The following ABHD18 variants were observed in gnomAD, a reference collection of about 807,000 sequenced individuals.
The protein encoded by ABHD18 is cardiolipin-specific deacylase, mitochondrial.
ABHD18 carries 55 observed loss-of-function variants against 65.9 expected under a neutral mutation model. The observed-to-expected ratio is 0.84, with a 90% CI of 0.67 to 1.05. The LOEUF (loss-of-function observed/expected upper bound fraction) is 1.05. Among genes scored for constraint, ABHD18 ranks in the 50% least tolerant of loss-of-function variants. The pLI is 0.00. For missense variants in ABHD18, 533 were observed against 558.5 expected, an observed-to-expected ratio of 0.95 and a Z score of 0.46; for synonymous variants, 181 against 180.2, an observed-to-expected ratio of 1.00 and a Z score of -0.04.
chr4:128,035,723 G>A, intron 12 of ABHD18, 39 bp from the exon 13 acceptor site: 1 of 1,263,244 alleles, frequency 7.9e-7, no homozygotes, highest in East Asian at 2.6e-5. Context: ...CCCCCTTTTT[G>A]TTAGTTACTT....
At chr4:127,985,030 T>C (rs1381727151) in intron 3 of ABHD18, among the ~76,000 whole-genome samples, 1 of 152,184 alleles carries the variant, frequency 6.6e-6, no homozygotes, top group Non-Finnish European at 1.5e-5. Flanking sequence ...TCAGGAGGGT[T>C]AAACCACTCA....
chr4:127,984,013 G>A (rs139633371), intron 2 of ABHD18, among the ~76,000 whole-genome samples: 2,122 of 151,994 alleles, frequency 0.014, 51 homozygotes, highest in African/African-American at 0.047. Context: ...CACTCGCCTG[G>A]GTGACAGAGC....
At chr4:127,973,350 A>T (rs1396403435) in intron 1 of ABHD18, among the ~76,000 whole-genome samples, 1 of 152,156 alleles carries the variant, frequency 6.6e-6, no homozygotes, top group Non-Finnish European at 1.5e-5. Flanking sequence ...GCTTATAAAC[A>T]AATGTTTATT....
rs111841251 is a variant in ABHD18 at position 128,006,080 on chromosome 4, A to G, written c.279-2840A>G. ...CAGTCAGCTGTGGCAGAGGAGTCAC[A>G]TGGCCTGTACCCATTCATCATGGGA... On this transcript the variant is annotated intron_variant, in intron 4 of 12. Transcript: ENST00000645843. 4.5e-3 allele frequency among the ~76,000 whole-genome samples: 685 copies of G among 152,308 alleles called. 9 individuals carry two copies. The highest frequency in any genetic ancestry group is 0.016 in the African/African-American group (653 of 41,572).
Position 127,989,760 on chromosome 4 carries a change from T to C in ABHD18, c.217T>C (p.Phe73Leu). The change falls in exon 4 of 13, where the codon TTT becomes CTT. Residue 73 changes from phenylalanine to leucine, a missense_variant. Physicochemically the swap from Phe to Leu is conservative, Grantham distance 22. This residue lies in a region of ABHD18 where 309 missense variants were observed against 313.5 expected (regional missense o/e 0.99). Transcript: ENST00000645843. Reference protein sequence around the residue: ...QSDCKILDGHFVSPMAHYVPD... With the variant: ...QSDCKILDGHLVSPMAHYVPD... ...AGATTGTAAGATCTTAGATGGACACTTTGTTTCCCCCATGGCTCACTATGT... is the reference window on the plus strand; with the variant it reads ...AGATTGTAAGATCTTAGATGGACACCTTGTTTCCCCCATGGCTCACTATGT... 1 of 1,602,842 alleles carries C rather than the reference T, an allele frequency of 6.2e-7. No homozygotes were observed. The highest frequency in any genetic ancestry group is 8.5e-7 in the Non-Finnish European group (1 of 1,174,504).
rs1237504989 is a variant in ABHD18 at position 128,020,342 on chromosome 4, A to G, written c.699+173A>G. On this transcript the variant is annotated intron_variant, in intron 9 of 12. Coordinates refer to ENST00000645843, the MANE Select transcript of ABHD18 (RefSeq NM_001358451.3). Reference sequence around the variant, plus strand: ...CTACAGCAAAAGATACAACACAGTCAACAGAAGGAAAAAGCGCATGAGGTA... The same window carrying G: ...CTACAGCAAAAGATACAACACAGTCGACAGAAGGAAAAAGCGCATGAGGTA... 5.3e-5 allele frequency among the ~76,000 whole-genome samples: 8 copies of G among 152,240 alleles called. No individual in the cohort carries two copies. In the East Asian group the frequency reaches 1.3e-3, roughly 26 times the overall value.
intron 1 of ABHD18, among the ~76,000 whole-genome samples, chr4:127,969,072 C>A (rs1359281470): frequency 6.6e-6 from 1 of 152,080 alleles, no homozygotes; most frequent in East Asian, 1.9e-4. Flanking sequence ...TTCTTTTCCT[C>A]ATTTATTAGT....
At chr4:128,016,636 G>A (rs186374903) in intron 7 of ABHD18, among the ~76,000 whole-genome samples, 169 of 152,204 alleles carry the variant, frequency 1.1e-3, no homozygotes, top group Admixed American at 1.4e-3. Context: ...TTAGCCAGGC[G>A]TGGTGGCTCA....
At chr4:128,009,030 GATA>G (rs1754100351) in intron 5 of ABHD18, 32 bp downstream of exon 5, 1 of 1,591,108 alleles carries the variant, frequency 6.3e-7, no homozygotes, top group South Asian at 1.2e-5. Flanking sequence ...TTAATCTCTA[GATA>G]ATTTGTTAAC....
chr4:127,974,298 A>G (rs1747472706), intron 1 of ABHD18, among the ~76,000 whole-genome samples: 1 of 150,354 alleles, frequency 6.7e-6, no homozygotes, highest in African/African-American at 2.5e-5. Context: ...CCTGGGCTCA[A>G]GCTATCCTCC....
chr4:128,018,200 T>C (rs752891053), intron 8 of ABHD18, among the ~76,000 whole-genome samples: 4 of 152,328 alleles, frequency 2.6e-5, no homozygotes, highest in Non-Finnish European at 5.9e-5. Context: ...TACTGTACTT[T>C]ACTGACTTGT....
At chr4:127,994,693 TA>T (rs948855351) in intron 4 of ABHD18, among the ~76,000 whole-genome samples, 4 of 152,340 alleles carry the variant, frequency 2.6e-5, no homozygotes, top group African/African-American at 9.6e-5. Context: ...GATTGAATTC[TA>T]ATACAAGTTC....
Position 128,034,941 on chromosome 4 carries a change from C to A in ABHD18, c.1344-821C>A, listed in dbSNP as rs761849425. Among the ~76,000 whole-genome samples, 3 of 152,244 alleles carry A rather than the reference C, an allele frequency of 2.0e-5. No individual in the cohort carries two copies. The East Asian group carries it at 5.8e-4, about 29-fold the overall frequency. ...TGCTGGGATTACAGGCTTGAGCCATCGCGCCCGGCCTGTCTATTCCTTTTC... is the reference window on the plus strand; with the variant it reads ...TGCTGGGATTACAGGCTTGAGCCATAGCGCCCGGCCTGTCTATTCCTTTTC... On this transcript the variant is annotated intron_variant, in intron 12 of 12. Transcript: ENST00000645843.
intron 2 of ABHD18, 86 bp downstream of exon 2, chr4:127,983,133 C>G (rs189155907): frequency 7.2e-6 from 6 of 835,836 alleles, no homozygotes; most frequent in South Asian, 5.1e-5. Context: ...CCTTTACTCT[C>G]AAATACAGAG....
rs1310776734 is a variant in ABHD18, at chr4:128,030,680, G to A, written c.1343+8G>A. On this transcript the variant is annotated splice_region_variant and intron_variant, in intron 12 of 12. Transcript: ENST00000645843. ...TAAACAAGGACTCTTCAGGTAAGAC[G>A]GCTGGTCTAAACATGTATTCGTTCA... The A allele has an allele frequency of 3.2e-6, 5 of 1,573,340 alleles. No individual in the cohort carries two copies. Among genetic ancestry groups the A allele is most frequent in the Non-Finnish European group, 4.3e-6 (5 of 1,168,464 alleles).
At chr4:127,996,734 G>A (rs1413942225) in intron 4 of ABHD18, among the ~76,000 whole-genome samples, 1 of 152,138 alleles carries the variant, frequency 6.6e-6, no homozygotes, top group Non-Finnish European at 1.5e-5. Context: ...CACTCCCAGA[G>A]CAGCTGTCTG....
In ABHD18 at chr4:128,010,316, G is replaced by T. The variant is rs1754307919; in HGVS notation, c.442+1125G>T. Among the ~76,000 whole-genome samples, 4 of 152,246 alleles carry T rather than the reference G, an allele frequency of 2.6e-5. No homozygotes were observed. The South Asian group carries it at 6.2e-4, about 24-fold the overall frequency. The stretch of plus-strand genomic sequence containing the variant: ...AGGCCGAGGTGGGCAGATGATCTGA[G>T]GTCAGGAGTTCGAGACCAGCCTGGC... On this transcript the variant is annotated intron_variant, in intron 6 of 12. Coordinates refer to ENST00000645843, the MANE Select transcript of ABHD18 (RefSeq NM_001358451.3).
In ABHD18 at chr4:128,037,966, T is replaced by C. The variant is rs1560959246; in HGVS notation, c.*2153T>C. 1 of 152,178 alleles carries C rather than the reference T, an allele frequency of 6.6e-6. No homozygotes were observed. The highest frequency in any genetic ancestry group is 1.5e-5 in the Non-Finnish European group (1 of 68,034). The allele number at this position is 152,178 out of a possible 1,614,324, so 9.4% of individuals were successfully genotyped here. A position where few individuals can be genotyped will look rare whatever the true frequency, so the allele number is the denominator to read the frequency against. ...GTGTGAAGTTTTACAGTAGGTATTTTTGAGTTTTGTTTGAAATCTGTGTTG... is the reference window on the plus strand; with the variant it reads ...GTGTGAAGTTTTACAGTAGGTATTTCTGAGTTTTGTTTGAAATCTGTGTTG... On this transcript the variant is annotated 3_prime_UTR_variant, in exon 13 of 13. Transcript: ENST00000645843.
intron 1 of ABHD18, among the ~76,000 whole-genome samples, chr4:127,975,192 A>G (rs951061602): frequency 1.2e-4 from 18 of 152,110 alleles, no homozygotes; most frequent in African/African-American, 3.4e-4. Flanking sequence ...TTTTAACTCT[A>G]TAGTTCAAAG....
Sources: gnomAD v4.1 joint callset for allele counts (sites outside exome capture counted in the v4.1 genomes callset) on GRCh38, gnomAD v4.1.1 for gene constraint, gnomAD v4.1.1 regional missense constraint, MANE v1.5 for transcripts, NCBI Gene and HGNC (gene_info 2026-07-23, HGNC 2026-07-21) for gene names.